C12orf56: variants seen among roughly 807,000 people sequenced by gnomAD.
The protein encoded by C12orf56 is chromosome 12 open reading frame 56.
A neutral mutation model predicts 69.9 loss-of-function variants in C12orf56; 71 were observed. The ratio of observed to expected loss-of-function variants is 1.02; its 90% CI spans 0.84 to 1.24. The LOEUF (loss-of-function observed/expected upper bound fraction) is 1.24, where lower values mean the gene tolerates loss of function less well. C12orf56 is among the 50% of genes most tolerant of loss of function. The pLI, the probability that C12orf56 is intolerant of heterozygous loss-of-function variation, is 0.00. For synonymous variants in C12orf56, 276 were observed against 274.1 expected, an observed-to-expected ratio of 1.01 and a Z score of -0.07; for missense variants, 732 against 738.5, an observed-to-expected ratio of 0.99 and a Z score of 0.10.
intron 2 of C12orf56, among the ~76,000 whole-genome samples, chr12:64,344,087 C>T (rs992044705): frequency 8.5e-5 from 13 of 152,180 alleles, no homozygotes; most frequent in Admixed American, 3.3e-4. Context: ...CCCCTGGAAT[C>T]AATGTCAGCT....
At chr12:64,335,005 A>G (rs1030996176) in intron 2 of C12orf56, among the ~76,000 whole-genome samples, 1 of 152,202 alleles carries the variant, frequency 6.6e-6, no homozygotes, top group Non-Finnish European at 1.5e-5. Context: ...TGGCTACTGT[A>G]TTAGACATGA....
chr12:64,338,401 G>T, intron 2 of C12orf56: 1 of 720,996 alleles, frequency 1.4e-6, no homozygotes, highest in Non-Finnish European at 2.6e-6. Flanking sequence ...CATCAACATC[G>T]TTTTTGGTGG....
At chr12:64,282,667 T>G (rs2038145250) in intron 8 of C12orf56, among the ~76,000 whole-genome samples, 1 of 151,044 alleles carries the variant, frequency 6.6e-6, no homozygotes, top group Non-Finnish European at 1.5e-5. Context: ...TCCCAGCTAC[T>G]GGGGAGGTGA....
At chr12:64,279,150 C>T (rs1349826693) in intron 8 of C12orf56, among the ~76,000 whole-genome samples, 1 of 152,050 alleles carries the variant, frequency 6.6e-6, no homozygotes, top group African/African-American at 2.4e-5. Flanking sequence ...GAACCCCTGG[C>T]CTAAAGCAAT....
intron 10 of C12orf56, 21 bp downstream of exon 10, chr12:64,275,277 T>C (rs746675065): frequency 8.5e-7 from 1 of 1,175,686 alleles, no homozygotes; most frequent in South Asian, 1.7e-5. Flanking sequence ...TATGTAAAAA[T>C]ATAATTTTTA....
intron 2 of C12orf56, among the ~76,000 whole-genome samples, chr12:64,347,862 C>G (rs575551389): frequency 7.1e-4 from 108 of 152,152 alleles, no homozygotes; most frequent in African/African-American, 2.5e-3. Context: ...TTTTGCCTAG[C>G]GTTAAAGGAT....
At chr12:64,331,153 C>T in intron 2 of C12orf56, 121 bp from the exon 3 acceptor site, 1 of 869,362 alleles carries the variant, frequency 1.2e-6, no homozygotes, top group East Asian at 2.8e-5. Flanking sequence ...ATTGTAAGTC[C>T]AAAATTGTAA....
intron 1 of C12orf56, among the ~76,000 whole-genome samples, chr12:64,365,766 A>G (rs951563456): frequency 7.0e-6 from 1 of 142,964 alleles, no homozygotes; most frequent in Admixed American, 7.4e-5. Context: ...TATAGTTTAT[A>G]TAATACATAT....
intron 12 of C12orf56, chr12:64,267,505 C>T (rs1307536556): frequency 3.7e-6 from 2 of 545,550 alleles, no homozygotes; most frequent in African/African-American, 1.9e-5. Flanking sequence ...CCATTTGTGA[C>T]CTAGAAAATC....
At chr12:64,377,340 C>T (rs2039655806) in intron 1 of C12orf56, among the ~76,000 whole-genome samples, 1 of 151,808 alleles carries the variant, frequency 6.6e-6, no homozygotes, top group African/African-American at 2.4e-5. Context: ...CAGGCAAGTG[C>T]ACCACCCCCA....
At chr12:64,338,886 A>G (rs1177293798) in intron 2 of C12orf56, 5 of 598,320 alleles carry the variant, frequency 8.4e-6, no homozygotes, top group Non-Finnish European at 1.2e-5. Context: ...CCCTGTGCAG[A>G]CCTTGGTTTC....
chr12:64,387,352 CTT>C (rs1187961313), intron 1 of C12orf56, among the ~76,000 whole-genome samples: 1 of 152,132 alleles, frequency 6.6e-6, no homozygotes. Flanking sequence ...ATGTTGAAAA[CTT>C]AGATTTGTTC....
chr12:64,334,977 A>G (rs6421213), intron 2 of C12orf56, among the ~76,000 whole-genome samples: 69 of 151,952 alleles, frequency 4.5e-4, no homozygotes, highest in African/African-American at 1.7e-3. Flanking sequence ...GAAAAGCCCA[A>G]TGGCCACAGG....
intron 1 of C12orf56, among the ~76,000 whole-genome samples, chr12:64,375,417 C>A (rs1264180488): frequency 6.6e-6 from 1 of 152,128 alleles, no homozygotes; most frequent in Middle Eastern, 3.2e-3. Flanking sequence ...CTATTTTTGT[C>A]TTTTTGAGCA....
chr12:64,303,353 T>C (rs2038471448), intron 6 of C12orf56, among the ~76,000 whole-genome samples: 1 of 148,550 alleles, frequency 6.7e-6, no homozygotes, highest in African/African-American at 2.5e-5. Flanking sequence ...GCCAAAAATG[T>C]TCCTCCTAAC....
Position 64,390,295 on chromosome 12 carries a change from G to GCCCAC in C12orf56, c.252+14_252+18dup. On this transcript the variant is annotated intron_variant, in intron 1 of 12. Coordinates refer to ENST00000543942, the MANE Select transcript of C12orf56 (RefSeq NM_001170633.2). The stretch of plus-strand genomic sequence containing the variant: ...TCTCACTGCGCTCCCGAGCCCGCCT[G>GCCCAC]CCCACCCGCGCCGCTCACCAGGTCA... 1 of 1,590,804 alleles carries GCCCAC rather than the reference G, an allele frequency of 6.3e-7. No homozygotes were observed. Among genetic ancestry groups the GCCCAC allele is most frequent in the Non-Finnish European group, 8.5e-7 (1 of 1,170,132 alleles).
At chr12:64,275,131 TATC>T (rs2038034462) in intron 10 of C12orf56, 156 bp from the exon 11 acceptor site, 2 of 787,786 alleles carry the variant, frequency 2.5e-6, no homozygotes, top group Admixed American at 3.1e-5. Flanking sequence ...GCAAAGTTCA[TATC>T]ATTGAAATCA....
At chr12:64,309,382 T>C (rs1161637706) in intron 5 of C12orf56, among the ~76,000 whole-genome samples, 3 of 152,244 alleles carry the variant, frequency 2.0e-5, no homozygotes, top group Non-Finnish European at 2.9e-5. Context: ...TGAAATCATA[T>C]ATTTGCCCTT....
chr12:64,352,109 TTTTTTTG>T (rs2039233178), intron 2 of C12orf56, among the ~76,000 whole-genome samples: 1 of 115,506 alleles, frequency 8.7e-6, no homozygotes, highest in African/African-American at 3.2e-5. Context: ...GTTTTTTTTT[TTTTTTTG>T]TTTTTTTTTT....
Sources: allele counts gnomAD v4.1 joint callset (sites outside exome capture counted in the v4.1 genomes callset), GRCh38; gene constraint gnomAD v4.1.1; transcripts MANE v1.5; gene names NCBI Gene and HGNC (gene_info 2026-07-23, HGNC 2026-07-21).